The following LRRC71 variants were observed in gnomAD, a reference collection of about 807,000 sequenced individuals.
LRRC71 encodes the protein leucine rich repeat containing 71.
LRRC71 carries 54 observed loss-of-function variants against 66.6 expected under a neutral mutation model. That is an observed-to-expected ratio of 0.81 (90% confidence interval 0.65 to 1.02). The LOEUF is 1.02. Among genes scored for constraint, LRRC71 ranks in the 50% least tolerant of loss-of-function variants. The pLI, the probability that LRRC71 is intolerant of heterozygous loss-of-function variation, is 0.00. For synonymous variants in LRRC71, 323 were observed against 303.9 expected, an observed-to-expected ratio of 1.06 and a Z score of -0.65; for missense variants, 724 against 718.0, an observed-to-expected ratio of 1.01 and a Z score of -0.10.
chr1:156,921,758 C>CACAT, intron 1 of LRRC71: 1 of 492,186 alleles, frequency 2.0e-6, no homozygotes, highest in African/African-American at 2.2e-5. Flanking sequence ...CACACACACA[C>CACAT]ACACAGACAT....
rs542763321 is a variant in LRRC71 at position 156,920,808 on chromosome 1, C to A, written c.5C>A (p.Ser2Ter). 55 of 1,520,638 alleles carry A rather than the reference C, an allele frequency of 3.6e-5. No homozygotes were observed. The highest frequency in any genetic ancestry group is 4.3e-5 in the Non-Finnish European group (49 of 1,132,116). 94.2% of individuals were successfully genotyped at this position (1,520,638 alleles called of 1,614,324 possible). The change falls in exon 1 of 15, where the codon TCG becomes TAG. Residue 2 changes from serine (S) to a stop codon, truncating the protein, a stop_gained. Transcript: ENST00000337428. LOFTEE classifies it high-confidence loss of function. The surrounding 1 kb of genome is among the most constrained non-coding windows in gnomAD (Gnocchi z 4.9). ...GACGCTGCGGACAACACCAGCATGT[C>A]GAGCGAGCAGAGCGCGCCGGGGGCC... M[S>*]SEQSAPGASP...
chr1:156,928,724 C>T (rs1440989726), intron 9 of LRRC71, among the ~76,000 whole-genome samples: 1 of 151,606 alleles, frequency 6.6e-6, no homozygotes, highest in Non-Finnish European at 1.5e-5. Context: ...GTATGTGCCA[C>T]CATGCCCAGC....
At chr1:156,934,201 CA>C (rs1339823092), downstream of LRRC71, among the ~76,000 whole-genome samples, 1 of 152,188 alleles carries the variant, frequency 6.6e-6, no homozygotes, top group East Asian at 1.9e-4. Flanking sequence ...ACTCCTGTAT[CA>C]ATTCTGATGC....
At chr1:156,937,185 A>G, downstream of LRRC71, 1 of 1,605,886 alleles carries the variant, frequency 6.2e-7, no homozygotes, top group Non-Finnish European at 8.5e-7. Flanking sequence ...CATCTCACTC[A>G]TGGGGAATGG....
Position 156,927,921 on chromosome 1 carries a change from C to G in LRRC71, c.913C>G (p.Arg305Gly). Reference protein sequence around the residue: ...KGALKLAEVLRAFELTHTEVV... With the variant: ...KGALKLAEVLGAFELTHTEVV... ...GAGCGCCCGCCTCCTTCAGGTCCTG[C>G]GCGCCTTCGAGCTGACACACACCGA... Residue 305 changes from arginine (R) to glycine (G), a missense_variant, in exon 9 of 15, where the codon CGC (arginine) becomes GGC (glycine). Physicochemically the swap from Arg to Gly is moderately radical, Grantham distance 125. Coordinates refer to ENST00000337428, the MANE Select transcript of LRRC71 (RefSeq NM_144702.3). 1 of 1,611,478 alleles carries G rather than the reference C, an allele frequency of 6.2e-7. No individual in the cohort carries two copies. The highest frequency in any genetic ancestry group is 8.5e-7 in the Non-Finnish European group (1 of 1,179,032).
In LRRC71 at chr1:156,924,713, C is replaced by T. The variant is rs1235720769; in HGVS notation, c.510C>T (p.Ala170=). ...TGCCCCCGCTTACCCAGCTACAGGC[C>T]ATCAAGTGAGAGGCACTGAGGGGAT... The part of the protein sequence containing the change: ...KCLPPLTQLQ[A]INLWKVGLTD... The change falls in exon 4 of 15, where the codon GCC becomes GCT. Residue 170 remains alanine (A), a synonymous_variant. Coordinates refer to ENST00000337428, the MANE Select transcript of LRRC71 (RefSeq NM_144702.3). 6.4e-7 allele frequency: 1 copy of T among 1,551,650 alleles called. No individual in the cohort carries two copies. The highest frequency in any genetic ancestry group is 1.2e-5 in the South Asian group (1 of 84,062).
chr1:156,935,997 C>A, downstream of LRRC71: 2 of 1,612,132 alleles, frequency 1.2e-6, no homozygotes, highest in South Asian at 2.2e-5. Context: ...GTGGTTTGTA[C>A]GGTTATGGTC....
intron 1 of LRRC71, among the ~76,000 whole-genome samples, chr1:156,923,379 T>C (rs1652689592): frequency 1.3e-5 from 2 of 152,248 alleles, no homozygotes; most frequent in Admixed American, 1.3e-4. Flanking sequence ...CGCGTGTGAA[T>C]TAATATAACT....
In LRRC71 at chr1:156,923,970, T is replaced by G. The variant is rs1252618449; in HGVS notation, c.182T>G (p.Val61Gly). The change falls in exon 2 of 15, where the codon GTC (valine) becomes GGC (glycine). Residue 61 changes from valine to glycine, a missense_variant. Physicochemically the swap from Val to Gly is moderately radical, Grantham distance 109. Coordinates refer to ENST00000337428, the MANE Select transcript of LRRC71 (RefSeq NM_144702.3). Reference protein sequence around the residue: ...KSPEEYQCSGVLETDFAELCT... With the variant: ...KSPEEYQCSGGLETDFAELCT... ...GCAGAGGAGTACCAGTGCTCCGGGG[T>G]CCTCGAGACCGACTTCGCCGAGCTC... is the stretch of plus-strand genomic sequence containing the variant. 6.5e-7 allele frequency: 1 copy of G among 1,530,640 alleles called. No individual in the cohort carries two copies. Among genetic ancestry groups the G allele is most frequent in the Admixed American group, 2.0e-5 (1 of 49,832 alleles). The allele number at this position is 1,530,640 out of a possible 1,614,324, so 94.8% of individuals were successfully genotyped here.
chr1:156,938,922 TC>T, the LRRC71 span: 185 of 202,318 alleles, frequency 9.1e-4, no homozygotes, highest in African/African-American at 4.0e-3. Context: ...GGGACCTTCC[TC>T]CCTGGGCTCA....
chr1:156,931,597 C>T lies in LRRC71; in HGVS notation c.1330-319C>T, dbSNP rs192408090. Reference sequence around the variant, plus strand: ...CACCTGCTTTCTTTGCCTAGAACACCTTTCCCGTCTTCATCTGACAATATC... The same window carrying T: ...CACCTGCTTTCTTTGCCTAGAACACTTTTCCCGTCTTCATCTGACAATATC... On this transcript the variant is annotated intron_variant, in intron 12 of 14. Coordinates refer to ENST00000337428, the MANE Select transcript of LRRC71 (RefSeq NM_144702.3). 3.8e-3 allele frequency among the ~76,000 whole-genome samples: 575 copies of T among 152,260 alleles called. 3 individuals are homozygous for T. Among genetic ancestry groups the T allele is most frequent in the Non-Finnish European group, 6.9e-3 (472 of 68,020 alleles).
downstream of LRRC71, among the ~76,000 whole-genome samples, chr1:156,934,636 T>C (rs1420842490): frequency 2.0e-5 from 3 of 152,098 alleles, no homozygotes; most frequent in East Asian, 5.8e-4. Context: ...TCATGTTTTC[T>C]CCATGGGGGT....
the LRRC71 span, chr1:156,940,320 G>A: frequency 6.2e-7 from 1 of 1,613,954 alleles, no homozygotes; most frequent in African/African-American, 1.3e-5. Flanking sequence ...GGATGTGGAA[G>A]GGCAAGGCAG....
rs1653915127 is a variant in LRRC71 at position 156,929,347 on chromosome 1, A to G, written c.1064A>G (p.Asn355Ser). 6.2e-7 allele frequency: 1 copy of G among 1,613,454 alleles called. No homozygotes were observed. Among genetic ancestry groups the G allele is most frequent in the African/African-American group, 1.3e-5 (1 of 74,926 alleles). The change falls in exon 10 of 15, where the codon AAT becomes AGT. Residue 355 changes from asparagine (N) to serine (S), a missense_variant. Coordinates refer to ENST00000337428, the MANE Select transcript of LRRC71 (RefSeq NM_144702.3). ...REKSQMVGIS[N>S]SALVDKTDKT... ...AAGAGTCAGATGGTAGGGATCAGCAATAGTGCATTGGTGGACAAGACAGAC... is the reference window on the plus strand; with the variant it reads ...AAGAGTCAGATGGTAGGGATCAGCAGTAGTGCATTGGTGGACAAGACAGAC...
intron 11 of LRRC71, among the ~76,000 whole-genome samples, chr1:156,930,073 TTTC>T (rs1327260841): frequency 1.9e-4 from 21 of 108,816 alleles, no homozygotes; most frequent in African/African-American, 8.4e-4. Context: ...TCTTTCTTTC[TTTC>T]TTTTCTTTCT....
intron 6 of LRRC71, 104 bp from the exon 7 acceptor site, chr1:156,927,392 C>G: frequency 6.6e-7 from 1 of 1,522,810 alleles, no homozygotes. Context: ...TCTGCCCCTA[C>G]ATCCTCAGAC....
chr1:156,926,112 T>G (rs1229551980), intron 5 of LRRC71, among the ~76,000 whole-genome samples: 1 of 152,218 alleles, frequency 6.6e-6, no homozygotes, highest in Non-Finnish European at 1.5e-5. Flanking sequence ...GAAAAGGACC[T>G]CCATTCTTAC....
Position 156,925,022 on chromosome 1 carries a change from A to G in LRRC71, c.593+7A>G. 1 of 1,551,600 alleles carries G rather than the reference A, an allele frequency of 6.4e-7. No homozygotes were observed. The highest frequency in any genetic ancestry group is 1.2e-5 in the South Asian group (1 of 84,060). On this transcript the variant is annotated splice_region_variant and intron_variant, in intron 5 of 14. Transcript: ENST00000337428. ...TCTGTTCATCCACGCTCAGGTCAGCAGACTGGGAGGCCCCCTGTGCCTGGG... is the reference window on the plus strand; with the variant it reads ...TCTGTTCATCCACGCTCAGGTCAGCGGACTGGGAGGCCCCCTGTGCCTGGG...
chr1:156,937,502 C>T, downstream of LRRC71: 1 of 1,516,414 alleles, frequency 6.6e-7, no homozygotes, highest in Non-Finnish European at 8.8e-7. Context: ...GTTCCCTGTC[C>T]CCACAGTAAG....
Sources: gnomAD v4.1 joint callset for allele counts (sites outside exome capture counted in the v4.1 genomes callset) on GRCh38, gnomAD v4.1.1 for gene constraint, Gnocchi (gnomAD v3.1) non-coding constraint, MANE v1.5 for transcripts, NCBI Gene and HGNC (gene_info 2026-07-23, HGNC 2026-07-21) for gene names.